GPHN: variants seen among roughly 807,000 people sequenced by gnomAD.
GPHN encodes gephyrin.
Under a neutral mutation model 95.5 loss-of-function variants are expected in GPHN, and 17 were observed. That is an observed-to-expected ratio of 0.18 (90% CI 0.12 to 0.27). The LOEUF is 0.27. Ranked by LOEUF, GPHN falls within the 10% of genes least tolerant of loss-of-function variation. The pLI is 1.00. For synonymous variants in GPHN, 320 were observed against 322.5 expected, an observed-to-expected ratio of 0.99 and a Z score of 0.08; for missense variants, 660 against 978.1, an observed-to-expected ratio of 0.67 and a Z score of 4.34.
the GPHN span, among the ~76,000 whole-genome samples, chr14:67,434,525 G>T: frequency 6.6e-6 from 1 of 152,204 alleles, no homozygotes; most frequent in African/African-American, 2.4e-5. Context: ...GCTGATGGGA[G>T]CCTGGGAGTA....
the GPHN span, among the ~76,000 whole-genome samples, chr14:67,237,296 T>C: frequency 1.2e-4 from 19 of 152,084 alleles, no homozygotes; most frequent in Admixed American, 1.0e-3. Flanking sequence ...ACTGAGGTAC[T>C]AGTGAAAGCC....
In GPHN at chr14:66,508,411, C is replaced by G; in HGVS notation, c.-117C>G. 4.4e-6 allele frequency: 4 copies of G among 916,068 alleles called. No individual in the cohort carries two copies. Among genetic ancestry groups the G allele is most frequent in the Non-Finnish European group, 7.3e-6 (4 of 547,056 alleles). The allele number at this position is 916,068 out of a possible 1,614,324, so 56.7% of individuals were successfully genotyped here. A position where few individuals can be genotyped will look rare whatever the true frequency, so the allele number is the denominator to read the frequency against. ...CCTCCCCCTCCTTCCCCGCTCTCCT[C>G]GCGCTTCTCTGGCTCCCTAGCTGTC... On this transcript the variant is annotated 5_prime_UTR_variant, in exon 1 of 23. Transcript: ENST00000478722.
In GPHN at chr14:66,909,228, G is replaced by A. The variant is rs563790545; in HGVS notation, c.390-6775G>A. On this transcript the variant is annotated intron_variant, in intron 5 of 22. Transcript: ENST00000478722. ...GAAGTCAATTTAATCAAATAATAAC[G>A]GGATATTCTATACAACTGTCAAGGA... 1.6e-4 allele frequency among the ~76,000 whole-genome samples: 25 copies of A among 151,972 alleles called. No individual in the cohort carries two copies. The South Asian group carries it at 3.1e-3, about 19-fold the overall frequency.
intron 17 of GPHN, among the ~76,000 whole-genome samples, chr14:67,124,038 G>T (rs1166280853): frequency 1.7e-4 from 26 of 152,048 alleles, no homozygotes; most frequent in Non-Finnish European, 2.9e-5. Flanking sequence ...GGACACTGGA[G>T]TGGAAGCTGG....
intron 12 of GPHN, among the ~76,000 whole-genome samples, chr14:67,094,101 A>G (rs922154433): frequency 1.3e-5 from 2 of 152,168 alleles, no homozygotes; most frequent in Non-Finnish European, 2.9e-5. Flanking sequence ...ATGACTAGCT[A>G]TACAGTATTT....
chr14:66,935,859 T>C (rs2067105986), intron 8 of GPHN, among the ~76,000 whole-genome samples: 1 of 152,116 alleles, frequency 6.6e-6, no homozygotes, highest in East Asian at 1.9e-4. Flanking sequence ...AAGCATTTTA[T>C]ATATATCAGC....
chr14:67,290,809 A>AT, the GPHN span, among the ~76,000 whole-genome samples: 1 of 152,214 alleles, frequency 6.6e-6, no homozygotes, highest in African/African-American at 2.4e-5. Flanking sequence ...TGCTGGGGTT[A>AT]CAGACCTGAG....
intron 10 of GPHN, among the ~76,000 whole-genome samples, chr14:67,053,588 A>T (rs930818529): frequency 6.6e-6 from 1 of 152,224 alleles, no homozygotes; most frequent in African/African-American, 2.4e-5. Context: ...ACTGAAAAGG[A>T]GGGACTCCTC....
At chr14:67,120,700 C>T (rs566310573) in intron 16 of GPHN, among the ~76,000 whole-genome samples, 1 of 152,234 alleles carries the variant, frequency 6.6e-6, no homozygotes, top group Non-Finnish European at 1.5e-5. Flanking sequence ...GCAAGCCTTG[C>T]CCCTTATAAA....
At chr14:67,370,331 A>G in the GPHN span, among the ~76,000 whole-genome samples, 6,227 of 152,342 alleles carry the variant, frequency 0.041, 168 homozygotes, top group Non-Finnish European at 0.061. Flanking sequence ...TTCTCCCAAC[A>G]CAAAGTAAGT....
At chr14:67,680,543 A>C in the GPHN span, among the ~76,000 whole-genome samples, 1 of 152,054 alleles carries the variant, frequency 6.6e-6, no homozygotes, top group East Asian at 1.9e-4. Context: ...AGCTCACTAC[A>C]ACCTCCCCAG....
the GPHN span, chr14:67,599,970 TC>T: frequency 1.4e-5 from 21 of 1,459,424 alleles, no homozygotes; most frequent in Non-Finnish European, 1.9e-5. Context: ...CCAAAGACCC[TC>T]CCAAAGCCGA....
chr14:67,659,681 C>T, the GPHN span: 15 of 1,533,052 alleles, frequency 9.8e-6, 1 homozygote, highest in Middle Eastern at 4.9e-4. Flanking sequence ...AATTTTTGTA[C>T]CACAGGCCCT....
At chr14:66,640,552 T>G (rs995523198) in intron 1 of GPHN, among the ~76,000 whole-genome samples, 1 of 152,230 alleles carries the variant, frequency 6.6e-6, no homozygotes, top group East Asian at 1.9e-4. Context: ...TGGGGTTTTT[T>G]AACTATACCA....
chr14:67,630,382 A>G, the GPHN span, among the ~76,000 whole-genome samples: 8 of 152,174 alleles, frequency 5.3e-5, no homozygotes, highest in Admixed American at 2.6e-4. Flanking sequence ...GCTACTGGCA[A>G]GGCCTCTGCC....
intron 16 of GPHN, among the ~76,000 whole-genome samples, chr14:67,116,823 T>G (rs1046265605): frequency 8.5e-5 from 13 of 152,248 alleles, no homozygotes; most frequent in Non-Finnish European, 1.6e-4. Context: ...GTTTAAAAGA[T>G]CTAAATGTTT....
At chr14:66,785,290 G>A (rs995869407) in intron 3 of GPHN, among the ~76,000 whole-genome samples, 34 of 152,036 alleles carry the variant, frequency 2.2e-4, no homozygotes, top group Admixed American at 1.6e-3. Flanking sequence ...CTCTTGAACC[G>A]GGGAGGTGGA....
chr14:66,835,040 C>T (rs1468622067), intron 4 of GPHN, among the ~76,000 whole-genome samples: 7 of 149,930 alleles, frequency 4.7e-5, no homozygotes, highest in African/African-American at 1.7e-4. Flanking sequence ...AGTTTATTTG[C>T]GTAGAGGTGT....
chr14:67,645,388 T>C, the GPHN span, among the ~76,000 whole-genome samples: 15 of 152,128 alleles, frequency 9.9e-5, no homozygotes. Flanking sequence ...ATTATACGGA[T>C]TTGGGGACAG....
Sources: gnomAD v4.1 joint callset for allele counts (sites outside exome capture counted in the v4.1 genomes callset) on GRCh38, gnomAD v4.1.1 for gene constraint, MANE v1.5 for transcripts, NCBI Gene and HGNC (gene_info 2026-07-23, HGNC 2026-07-21) for gene names.